RAP1GAP2: variants seen among roughly 807,000 people sequenced by gnomAD.
The protein encoded by RAP1GAP2 is rap1 GTPase-activating protein 2.
Under a neutral mutation model 95.0 loss-of-function variants are expected in RAP1GAP2, and 27 were observed. The observed-to-expected ratio is 0.28, with a 90% CI of 0.21 to 0.39. The LOEUF is 0.39. Among genes scored for constraint, RAP1GAP2 ranks in the 10% least tolerant of loss-of-function variants. RAP1GAP2 has a pLI of 1.00. For synonymous variants in RAP1GAP2, 373 were observed against 380.9 expected (o/e 0.98, Z 0.24); for missense variants, 771 against 970.0 (o/e 0.79, Z 2.72).
intron 17 of RAP1GAP2, among the ~76,000 whole-genome samples, chr17:3,013,665 T>G (rs1347076632): frequency 7.5e-6 from 1 of 133,420 alleles, no homozygotes; most frequent in Non-Finnish European, 1.6e-5. Flanking sequence ...GTGGGAGCCT[T>G]GAAAATTCGT....
intron 2 of RAP1GAP2, among the ~76,000 whole-genome samples, chr17:2,884,809 C>T (rs1346131289): frequency 1.3e-5 from 2 of 152,186 alleles, no homozygotes; most frequent in East Asian, 1.9e-4. Flanking sequence ...CCTGATCTTC[C>T]TCACGGAACT....
At chr17:2,828,572 C>T (rs894816665) in intron 2 of RAP1GAP2, among the ~76,000 whole-genome samples, 4 of 152,056 alleles carry the variant, frequency 2.6e-5, no homozygotes, top group Admixed American at 2.0e-4. Context: ...GCGGGAAGAG[C>T]GGGTGGATGG....
chr17:2,830,067 A>G (rs1282781843), intron 2 of RAP1GAP2, among the ~76,000 whole-genome samples: 3 of 152,158 alleles, frequency 2.0e-5, no homozygotes, highest in Admixed American at 2.0e-4. Context: ...TTAAGTGTAC[A>G]ATACATTATT....
At position 2,838,607 on chromosome 17, in the gene RAP1GAP2, C is replaced by CGTT. The variant is rs1483537187; in HGVS notation, c.80+38057_80+38058insGTT. 7.9e-5 allele frequency among the ~76,000 whole-genome samples: 12 copies of CGTT among 152,224 alleles called. No homozygotes were observed. In the East Asian group the frequency reaches 2.3e-3, roughly 29 times the overall value. ...GCAGAACACTGTCCCACTGCGGGAA[C>CGTT]CCTTTGCTCATTCTCCGAGCTCCAG... is the stretch of plus-strand genomic sequence containing the variant. On this transcript the variant is annotated intron_variant, in intron 2 of 24. Coordinates refer to ENST00000254695, the MANE Select transcript of RAP1GAP2 (RefSeq NM_015085.5).
chr17:2,933,391 C>T (rs892624621), intron 3 of RAP1GAP2, among the ~76,000 whole-genome samples: 3 of 152,196 alleles, frequency 2.0e-5, no homozygotes, highest in Non-Finnish European at 4.4e-5. Context: ...AGCCAGACAC[C>T]TGCCTTCCAG....
chr17:2,991,504 A>C, intron 12 of RAP1GAP2, 107 bp downstream of exon 12: 1 of 821,428 alleles, frequency 1.2e-6, no homozygotes, highest in Non-Finnish European at 2.0e-6. Context: ...AACACACAAG[A>C]AATGAGGGAT....
intron 19 of RAP1GAP2, among the ~76,000 whole-genome samples, chr17:3,024,679 T>G (rs1368015556): frequency 1.3e-5 from 2 of 152,238 alleles, no homozygotes; most frequent in Non-Finnish European, 2.9e-5. Context: ...CATTGTCTGA[T>G]GAATGGATAA....
rs934722476 is a variant in RAP1GAP2 at position 2,904,154 on chromosome 17, C to T, written c.81-1130C>T. On this transcript the variant is annotated intron_variant, in intron 2 of 24. Transcript: ENST00000254695. This position sits in a 1 kb window ranked among gnomAD's most constrained non-coding sequence, Gnocchi z 4.7. ...GCCCGGCCCTCTTCGGCTTTTAATA[C>T]GGTTCTCCCAGCCCCCTCGTCCCCT... Among the ~76,000 whole-genome samples, 12 of 152,138 alleles carry T rather than the reference C, an allele frequency of 7.9e-5. No individual in the cohort carries two copies. The highest frequency in any genetic ancestry group is 2.2e-4 in the African/African-American group (9 of 41,434).
intron 2 of RAP1GAP2, among the ~76,000 whole-genome samples, chr17:2,896,060 G>A (rs960734781): frequency 1.3e-5 from 2 of 152,072 alleles, no homozygotes; most frequent in Non-Finnish European, 2.9e-5. Context: ...TAGATCAGCC[G>A]TTGCCTCCTG....
In RAP1GAP2 at chr17:2,839,685, AG is replaced by A. The variant is rs749741639; in HGVS notation, c.80+39137del. On this transcript the variant is annotated intron_variant, in intron 2 of 24. Coordinates refer to ENST00000254695, the MANE Select transcript of RAP1GAP2 (RefSeq NM_015085.5). ...GTTTTTGGCAGCCCTGACAGCTTTG[AG>A]GCGTGCTTGTCACTCAATTTAGATT... Among the ~76,000 whole-genome samples, 11 of 152,288 alleles carry A rather than the reference AG, an allele frequency of 7.2e-5. No individual in the cohort carries two copies. In the East Asian group the frequency reaches 7.7e-4, roughly 11 times the overall value.
chr17:2,773,366 G>C (rs2068435022), upstream of RAP1GAP2, among the ~76,000 whole-genome samples: 1 of 152,164 alleles, frequency 6.6e-6, no homozygotes, highest in Non-Finnish European at 1.5e-5. Context: ...ATTAGACCGG[G>C]GGTGGAGCAG....
At chr17:2,792,329 C>T (rs879030747), upstream of RAP1GAP2, among the ~76,000 whole-genome samples, 28 of 152,204 alleles carry the variant, frequency 1.8e-4, no homozygotes, top group Admixed American at 7.2e-4. Flanking sequence ...GCTCCCGTGA[C>T]GGCCTTGGAG....
chr17:2,896,358 C>G (rs913580196), intron 2 of RAP1GAP2, among the ~76,000 whole-genome samples: 1 of 152,192 alleles, frequency 6.6e-6, no homozygotes, highest in Non-Finnish European at 1.5e-5. Context: ...ACTGTCCCCT[C>G]CTCGCTCCCT....
At chr17:2,894,023 C>A (rs1351966622) in intron 2 of RAP1GAP2, among the ~76,000 whole-genome samples, 1 of 152,242 alleles carries the variant, frequency 6.6e-6, no homozygotes, top group Non-Finnish European at 1.5e-5. Context: ...TGTCTGTGAT[C>A]CCAGCACTTT....
At chr17:3,009,784 A>C (rs1184476083) in intron 17 of RAP1GAP2, among the ~76,000 whole-genome samples, 3 of 152,096 alleles carry the variant, frequency 2.0e-5, no homozygotes, top group Non-Finnish European at 1.5e-5. Flanking sequence ...AAATAGGAGA[A>C]ATTGGGAGAT....
At chr17:2,812,006 C>A (rs151265045) in intron 2 of RAP1GAP2, among the ~76,000 whole-genome samples, 3 of 152,166 alleles carry the variant, frequency 2.0e-5, no homozygotes, top group African/African-American at 7.2e-5. Context: ...TGAGTCACTG[C>A]GCCTGGCCGG....
intron 8 of RAP1GAP2, among the ~76,000 whole-genome samples, chr17:2,977,141 A>G (rs1393651390): frequency 2.0e-5 from 3 of 151,888 alleles, no homozygotes; most frequent in Non-Finnish European, 4.4e-5. Context: ...AAAAAAAGAA[A>G]AAAAGAAAAG....
At chr17:2,877,410 C>G (rs1338417392) in intron 2 of RAP1GAP2, among the ~76,000 whole-genome samples, 1 of 152,154 alleles carries the variant, frequency 6.6e-6, no homozygotes, top group African/African-American at 2.4e-5. Context: ...CCAGAGTGAT[C>G]CTGTGAAACT....
intron 12 of RAP1GAP2, among the ~76,000 whole-genome samples, chr17:2,994,202 A>G (rs988891256): frequency 6.6e-6 from 1 of 152,184 alleles, no homozygotes; most frequent in Non-Finnish European, 1.5e-5. Flanking sequence ...TGGCAGAAGC[A>G]GGTCTAGAAC....
Sources: gnomAD v4.1 joint callset for allele counts (sites outside exome capture counted in the v4.1 genomes callset) on GRCh38, gnomAD v4.1.1 for gene constraint, Gnocchi (gnomAD v3.1) non-coding constraint, MANE v1.5 for transcripts, NCBI Gene and HGNC (gene_info 2026-07-23, HGNC 2026-07-21) for gene names.